The following PHACTR2 variants were observed in gnomAD, a reference collection of about 807,000 sequenced individuals.
PHACTR2 encodes chromosome 6 open reading frame 56.
PHACTR2 carries 30 observed loss-of-function variants against 76.0 expected under a neutral mutation model. The observed-to-expected ratio is 0.39, with a 90% CI of 0.30 to 0.54. The LOEUF (loss-of-function observed/expected upper bound fraction) is 0.54, where lower values mean the gene tolerates loss of function less well. Among genes scored for constraint, PHACTR2 ranks in the 20% least tolerant of loss-of-function variants. PHACTR2 has a pLI of 0.61. For missense variants in PHACTR2, 696 were observed against 781.1 expected, an observed-to-expected ratio of 0.89 and a Z score of 1.30; for synonymous variants, 292 against 292.5, an observed-to-expected ratio of 1.00 and a Z score of 0.02.
intron 1 of PHACTR2, among the ~76,000 whole-genome samples, chr6:143,685,010 G>T (rs1777482775): frequency 2.0e-5 from 3 of 151,986 alleles, no homozygotes; most frequent in African/African-American, 7.2e-5. Context: ...ATATTCAGGA[G>T]ATTAACCTAA....
intron 1 of PHACTR2, among the ~76,000 whole-genome samples, chr6:143,638,817 C>A (rs1213572320): frequency 6.6e-6 from 1 of 152,178 alleles, no homozygotes; most frequent in Non-Finnish European, 1.5e-5. Context: ...TAGGGAAGTA[C>A]ATGTGTCTTG....
At chr6:143,559,560 T>C (rs895158883) in intron 1 of PHACTR2, among the ~76,000 whole-genome samples, 5 of 152,172 alleles carry the variant, frequency 3.3e-5, no homozygotes, top group African/African-American at 4.8e-5. Context: ...ATATAATTCA[T>C]TCATGAGCAT....
chr6:143,676,197 G>A (rs76626084), upstream of PHACTR2, among the ~76,000 whole-genome samples: 1 of 152,272 alleles, frequency 6.6e-6, no homozygotes, highest in Non-Finnish European at 1.5e-5. The surrounding 1 kb of genome is among the most constrained non-coding windows in gnomAD (Gnocchi z 4.8). Flanking sequence ...TCCCAGATGA[G>A]GCTGAAGATT....
intron 11 of PHACTR2, among the ~76,000 whole-genome samples, chr6:143,805,004 G>A (rs742957): frequency 0.59 from 89,193 of 152,000 alleles, 26,428 homozygotes; most frequent in East Asian, 0.69. Context: ...AAGAAAATTG[G>A]GGTTTGGAGT....
rs200791181 is a variant in PHACTR2 at position 143,765,758 on chromosome 6, T to C, written c.1192T>C (p.Ser398Pro). 257 of 1,614,020 alleles carry C rather than the reference T, an allele frequency of 1.6e-4. No homozygotes were observed. Among genetic ancestry groups the C allele is most frequent in the Non-Finnish European group, 2.0e-4 (235 of 1,179,988 alleles). Residue 398 changes from serine (S) to proline (P), a missense_variant, in exon 6 of 13, where the codon TCA (serine) becomes CCA (proline). Coordinates refer to ENST00000440869, the MANE Select transcript of PHACTR2 (RefSeq NM_001100164.2). The surrounding 1 kb of genome is among the most constrained non-coding windows in gnomAD (Gnocchi z 4.1). ...GCCGACGAACAGAACCACTCTCTAC[T>C]CAGGCACTGGCTTAAGTGTTAACAG... ...EEPTNRTTLY[S>P]GTGLSVNREN...
chr6:143,726,847 G>T (rs1157465418), intron 2 of PHACTR2, among the ~76,000 whole-genome samples: 1 of 152,062 alleles, frequency 6.6e-6, no homozygotes, highest in Non-Finnish European at 1.5e-5. Flanking sequence ...ATATTTATAG[G>T]ATACATGTGA....
upstream of PHACTR2, among the ~76,000 whole-genome samples, chr6:143,604,074 G>A (rs1775840853): frequency 6.7e-6 from 1 of 148,354 alleles, no homozygotes; most frequent in Admixed American, 6.7e-5. Flanking sequence ...CTCCAGCCTG[G>A]TGACAGAGAG....
chr6:143,651,211 G>A lies in PHACTR2; in HGVS notation c.13+42889G>A, dbSNP rs533099290. 3.9e-5 allele frequency among the ~76,000 whole-genome samples: 6 copies of A among 152,190 alleles called. No individual in the cohort carries two copies. In the Middle Eastern group the frequency reaches 0.01, roughly 259 times the overall value. ...AGCAACAGATGCTGGCAATGTTGTG[G>A]AGAAAAAGGAACACTCTTACACTCT... On this transcript the variant is annotated intron_variant, in intron 1 of 11. Transcript: ENST00000305766.
At chr6:143,724,072 C>T (rs981047785) in intron 2 of PHACTR2, among the ~76,000 whole-genome samples, 3 of 151,832 alleles carry the variant, frequency 2.0e-5, no homozygotes, top group South Asian at 2.1e-4. Context: ...AAGCGATTGT[C>T]CTGCCTCAGC....
chr6:143,566,943 T>C (rs1775371658), intron 1 of PHACTR2, among the ~76,000 whole-genome samples: 1 of 152,154 alleles, frequency 6.6e-6, no homozygotes, highest in African/African-American at 2.4e-5. Context: ...AATGAATGTT[T>C]GGATCAGGAT....
chr6:143,693,599 A>G (rs576321376), intron 1 of PHACTR2, among the ~76,000 whole-genome samples: 59 of 152,280 alleles, frequency 3.9e-4, no homozygotes, highest in African/African-American at 1.4e-3. Context: ...CCTAAAACCA[A>G]TGTACAAACC....
chr6:143,765,183 G>A lies in PHACTR2; in HGVS notation c.695-78G>A. 1 of 1,092,728 alleles carries A rather than the reference G, an allele frequency of 9.2e-7. No homozygotes were observed. Among genetic ancestry groups the A allele is most frequent in the Non-Finnish European group, 1.3e-6 (1 of 751,326 alleles). 67.7% of individuals were successfully genotyped at this position (1,092,728 alleles called of 1,614,324 possible). A position where few individuals can be genotyped will look rare whatever the true frequency, so the allele number is the denominator to read the frequency against. On this transcript the variant is annotated intron_variant, in intron 5 of 12. Coordinates refer to ENST00000440869, the MANE Select transcript of PHACTR2 (RefSeq NM_001100164.2). This position sits in a 1 kb window ranked among gnomAD's most constrained non-coding sequence, Gnocchi z 4.1. The stretch of plus-strand genomic sequence containing the variant: ...TAAAGGGAACATTTTAAATGTTGTT[G>A]ACAGTTACACCTTGGTTACTTTATT...
Position 143,689,933 on chromosome 6 carries a change from G to A in PHACTR2, c.46+11724G>A, listed in dbSNP as rs969913084. Among the ~76,000 whole-genome samples the A allele has an allele frequency of 2.0e-5, 3 of 152,136 alleles. No homozygotes were observed. The highest frequency in any genetic ancestry group is 4.4e-5 in the Non-Finnish European group (3 of 68,024). ...ATCTGGTCTTGAACTTCTGAACTCA[G>A]GTGATACACCCACCTCAGCTCCCAA... On this transcript the variant is annotated intron_variant, in intron 1 of 12. Coordinates refer to ENST00000440869, the MANE Select transcript of PHACTR2 (RefSeq NM_001100164.2). The surrounding 1 kb of genome is among the most constrained non-coding windows in gnomAD (Gnocchi z 4.4).
At chr6:143,745,921 AG>A (rs1339840049) in intron 2 of PHACTR2, among the ~76,000 whole-genome samples, 1 of 152,240 alleles carries the variant, frequency 6.6e-6, no homozygotes, top group African/African-American at 2.4e-5. Context: ...TTTACAAGGA[AG>A]AAAGAGGGGG....
At chr6:143,805,529 A>G (rs1304538238) in intron 11 of PHACTR2, among the ~76,000 whole-genome samples, 1 of 151,044 alleles carries the variant, frequency 6.6e-6, no homozygotes, top group African/African-American at 2.4e-5. Context: ...CGTTTTATAG[A>G]TGTTAATTGG....
intron 1 of PHACTR2, among the ~76,000 whole-genome samples, chr6:143,691,272 C>T (rs943653460): frequency 1.4e-5 from 2 of 146,614 alleles, no homozygotes; most frequent in African/African-American, 5.3e-5. Context: ...AGTCAGGGAC[C>T]TTCTGTATTT....
intron 1 of PHACTR2, among the ~76,000 whole-genome samples, chr6:143,559,031 G>A (rs1025684139): frequency 1.3e-5 from 2 of 152,070 alleles, no homozygotes; most frequent in African/African-American, 2.4e-5. Context: ...TAGCCCCCTC[G>A]GCCCATCTTT....
In PHACTR2 at chr6:143,697,643, T is replaced by C. The variant is rs959966702; in HGVS notation, c.47-14373T>C. Among the ~76,000 whole-genome samples, 4 of 152,196 alleles carry C rather than the reference T, an allele frequency of 2.6e-5. No individual in the cohort carries two copies. The highest frequency in any genetic ancestry group is 5.9e-5 in the Non-Finnish European group (4 of 68,030). On this transcript the variant is annotated intron_variant, in intron 1 of 12. Transcript: ENST00000440869. This position sits in a 1 kb window ranked among gnomAD's most constrained non-coding sequence, Gnocchi z 4.4. ...CTGATATTTTCCCAATTTCAAACAT[T>C]AGTGTTTGTTATATTATCTTTCAAA...
chr6:143,633,087 TG>T lies in PHACTR2; in HGVS notation c.13+24766del, dbSNP rs1363824035. Among the ~76,000 whole-genome samples, 1 of 152,238 alleles carries T rather than the reference TG, an allele frequency of 6.6e-6. No homozygotes were observed. The highest frequency in any genetic ancestry group is 1.5e-5 in the Non-Finnish European group (1 of 68,040). Reference sequence around the variant, plus strand: ...ATAAACATCTGTGTGCAGGGCTTTTTGCTGACATAATCTTTCAGCCGATTTG... The same window carrying T: ...ATAAACATCTGTGTGCAGGGCTTTTTCTGACATAATCTTTCAGCCGATTTG... On this transcript the variant is annotated intron_variant, in intron 1 of 11. Transcript: ENST00000305766. The surrounding 1 kb of genome is among the most constrained non-coding windows in gnomAD (Gnocchi z 4.1).
Sources: allele counts gnomAD v4.1 joint callset (sites outside exome capture counted in the v4.1 genomes callset), GRCh38; gene constraint gnomAD v4.1.1; non-coding constraint Gnocchi (gnomAD v3.1); transcripts MANE v1.5; gene names NCBI Gene and HGNC (gene_info 2026-07-23, HGNC 2026-07-21).